The following ZNF560 variants were observed in gnomAD, a reference collection of about 807,000 sequenced individuals.
ZNF560 encodes the protein zinc finger protein 560.
ZNF560 carries 54 observed loss-of-function variants against 81.8 expected under a neutral mutation model. The ratio of observed to expected loss-of-function variants is 0.66; its 90% CI spans 0.53 to 0.83. ZNF560 has a LOEUF of 0.83. Ranked by LOEUF, ZNF560 falls within the 40% of genes least tolerant of loss-of-function variation. ZNF560 has a pLI of 0.00. For synonymous variants in ZNF560, 321 were observed against 317.9 expected (o/e 1.01, Z -0.10); for missense variants, 940 against 932.4 (o/e 1.01, Z -0.11).
chr19:9,474,419 G>C, intron 3 of ZNF560, 94 bp from the exon 4 acceptor site: 1 of 1,393,416 alleles, frequency 7.2e-7, no homozygotes, highest in Non-Finnish European at 9.8e-7. Flanking sequence ...CCTATAAAGA[G>C]TTGTGAGGTC....
chr19:9,458,923 G>T, the ZNF560 span, among the ~76,000 whole-genome samples: 1 of 152,238 alleles, frequency 6.6e-6, no homozygotes, highest in South Asian at 2.1e-4. Context: ...GTACATGTAT[G>T]TGTAGACACC....
chr19:9,471,867 T>C (rs1349999714), intron 5 of ZNF560, among the ~76,000 whole-genome samples: 2 of 152,134 alleles, frequency 1.3e-5, no homozygotes, highest in African/African-American at 2.4e-5. Flanking sequence ...TCCCAGCACT[T>C]TGGGAGGCTG....
the ZNF560 span, among the ~76,000 whole-genome samples, chr19:9,450,851 T>C: frequency 6.6e-6 from 1 of 152,108 alleles, no homozygotes; most frequent in African/African-American, 2.4e-5. Context: ...ACACCAATAG[T>C]GTTCAAGCTG....
chr19:9,482,182 C>A (rs1194604091), intron 2 of ZNF560, among the ~76,000 whole-genome samples: 1 of 151,984 alleles, frequency 6.6e-6, no homozygotes, highest in Non-Finnish European at 1.5e-5. Context: ...GGACAAAAAA[C>A]CAAACACAGC....
At position 9,474,140 on chromosome 19, in the gene ZNF560, G is replaced by C. The variant is rs2073163406; in HGVS notation, c.157+59C>G. Reference sequence around the variant, plus strand: ...TTGAACAAACCAATTCTGGAACACAGCAAGTACACAATGTATATCTCTTCC... The same window carrying C: ...TTGAACAAACCAATTCTGGAACACACCAAGTACACAATGTATATCTCTTCC... On this transcript the variant is annotated intron_variant, in intron 4 of 9. Coordinates refer to ENST00000301480, the MANE Select transcript of ZNF560 (RefSeq NM_152476.3). The C allele has an allele frequency of 3.8e-6, 6 of 1,596,900 alleles. No individual in the cohort carries two copies. In the South Asian group the frequency reaches 6.6e-5, roughly 18 times the overall value.
At chr19:9,505,610 G>A in the ZNF560 span, among the ~76,000 whole-genome samples, 2 of 152,232 alleles carry the variant, frequency 1.3e-5, no homozygotes, top group South Asian at 4.1e-4. Flanking sequence ...TTCCTCCACT[G>A]CTGATTTTTT....
chr19:9,457,238 A>G, the ZNF560 span, among the ~76,000 whole-genome samples: 1 of 152,244 alleles, frequency 6.6e-6, no homozygotes, highest in South Asian at 2.1e-4. Flanking sequence ...ATTCAGCTAT[A>G]TAACCTATTG....
At chr19:9,446,988 G>C in the ZNF560 span, among the ~76,000 whole-genome samples, 1 of 151,978 alleles carries the variant, frequency 6.6e-6, no homozygotes, top group Non-Finnish European at 1.5e-5. Flanking sequence ...ACAAAAATTA[G>C]CTGGGCATGG....
the ZNF560 span, among the ~76,000 whole-genome samples, chr19:9,447,133 CAAAAAAAA>C: frequency 3.7e-5 from 3 of 80,858 alleles, no homozygotes; most frequent in African/African-American, 1.1e-4. Flanking sequence ...GACTCCGTCA[CAAAAAAAA>C]AAAAAAAAAA....
chr19:9,461,787 T>TA (rs559826762), downstream of ZNF560, among the ~76,000 whole-genome samples: 105 of 151,934 alleles, frequency 6.9e-4, 1 homozygote, highest in Middle Eastern at 0.017. Flanking sequence ...TGGGAAAGAA[T>TA]AAAAAAAAGT....
At chr19:9,474,751 T>C (rs182898156) in intron 3 of ZNF560, among the ~76,000 whole-genome samples, 5 of 151,526 alleles carry the variant, frequency 3.3e-5, no homozygotes, top group East Asian at 1.9e-4. Context: ...CTTGACTTAC[T>C]GGGCTCAAGT....
the ZNF560 span, among the ~76,000 whole-genome samples, chr19:9,460,123 G>C: frequency 1.3e-5 from 2 of 152,320 alleles, no homozygotes; most frequent in African/African-American, 4.8e-5. Flanking sequence ...GTGCCATCGA[G>C]ATATCTAAAG....
rs572421683 is a variant in ZNF560, at chr19:9,468,224, C to T, written c.723G>A (p.Thr241=). 20 of 1,614,076 alleles carry T rather than the reference C, an allele frequency of 1.2e-5. No individual in the cohort carries two copies. Among genetic ancestry groups the T allele is most frequent in the Middle Eastern group, 1.6e-4 (1 of 6,062 alleles). The change falls in exon 10 of 10, where the codon ACG becomes ACA. Residue 241 remains threonine, a synonymous_variant. Coordinates refer to ENST00000301480, the MANE Select transcript of ZNF560 (RefSeq NM_152476.3). ...CTTTTGCATACTGAATACATTCAGA[C>T]GTGTTGCCTCTATTTTGAGTACTCA... ...TNMSTQNRGN[T]SECIQYAKDL...
chr19:9,464,470 A>G (rs1285207770), downstream of ZNF560, among the ~76,000 whole-genome samples: 1 of 152,208 alleles, frequency 6.6e-6, no homozygotes, highest in African/African-American at 2.4e-5. Context: ...AAATCACGGT[A>G]TCTTAAGTTA....
chr19:9,454,804 C>T, the ZNF560 span, among the ~76,000 whole-genome samples: 1 of 152,002 alleles, frequency 6.6e-6, no homozygotes, highest in African/African-American at 2.4e-5. Flanking sequence ...ATTCATTCCA[C>T]CTTGGAAGCT....
intron 2 of ZNF560, among the ~76,000 whole-genome samples, chr19:9,488,628 C>T (rs868771493): frequency 1.3e-5 from 2 of 149,538 alleles, no homozygotes; most frequent in South Asian, 4.4e-4. Flanking sequence ...CAAAAAAATT[C>T]CAACTCTGAT....
chr19:9,468,818 C>T (rs1419862260), intron 9 of ZNF560, among the ~76,000 whole-genome samples: 2 of 151,784 alleles, frequency 1.3e-5, no homozygotes, highest in South Asian at 2.1e-4. Flanking sequence ...CAACCTCCAC[C>T]TCCTGGGTTC....
At chr19:9,452,470 A>G in the ZNF560 span, among the ~76,000 whole-genome samples, 1 of 152,234 alleles carries the variant, frequency 6.6e-6, no homozygotes, top group Non-Finnish European at 1.5e-5. Context: ...TCACAGCAAT[A>G]TTCACAATGG....
chr19:9,448,395 CTT>C, the ZNF560 span, among the ~76,000 whole-genome samples: 11 of 89,786 alleles, frequency 1.2e-4, no homozygotes, highest in African/African-American at 1.0e-4. Context: ...CCATGCCTGG[CTT>C]TTTTTTTTTT....
Sources: allele counts gnomAD v4.1 joint callset (sites outside exome capture counted in the v4.1 genomes callset), GRCh38; gene constraint gnomAD v4.1.1; transcripts MANE v1.5; gene names NCBI Gene and HGNC (gene_info 2026-07-23, HGNC 2026-07-21).